Variants in TMEM132C observed in about 807,000 individuals in gnomAD.
TMEM132C encodes transmembrane protein 132C.
Under a neutral mutation model 61.4 loss-of-function variants are expected in TMEM132C, and 29 were observed. The ratio of observed to expected loss-of-function variants is 0.47; its 90% CI spans 0.35 to 0.64. The LOEUF (loss-of-function observed/expected upper bound fraction) is 0.64, where lower values mean the gene tolerates loss of function less well. Among genes scored for constraint, TMEM132C ranks in the 30% least tolerant of loss-of-function variants. TMEM132C has a pLI of 0.00. For missense variants in TMEM132C, 1,408 were observed against 1,476.9 expected (o/e 0.95, Z 0.76); for synonymous variants, 656 against 633.1 (o/e 1.04, Z -0.54).
chr12:128,285,949 C>T (rs1200551749), intron 1 of TMEM132C, among the ~76,000 whole-genome samples: 1 of 129,626 alleles, frequency 7.7e-6, no homozygotes, highest in Non-Finnish European at 1.6e-5. Context: ...TTCTCTCTTT[C>T]TCTCTCTCCC....
chr12:128,317,123 T>G (rs1391895335), intron 1 of TMEM132C, among the ~76,000 whole-genome samples: 1 of 152,230 alleles, frequency 6.6e-6, no homozygotes, highest in Non-Finnish European at 1.5e-5. Flanking sequence ...AACCACATAT[T>G]CCATCATAAT....
At chr12:128,536,730 G>C in intron 2 of TMEM132C, among the ~76,000 whole-genome samples, 1 of 147,928 alleles carries the variant, frequency 6.8e-6, no homozygotes. Context: ...CTTCAGTCTG[G>C]GAGGTTAATA....
chr12:128,492,926 T>A (rs550276834), intron 2 of TMEM132C, among the ~76,000 whole-genome samples: 6 of 152,210 alleles, frequency 3.9e-5, no homozygotes, highest in Non-Finnish European at 5.9e-5. Context: ...TCCTTGCCTA[T>A]GCCTATGTCC....
intron 3 of TMEM132C, among the ~76,000 whole-genome samples, chr12:128,593,271 C>G (rs997456957): frequency 1.3e-5 from 2 of 151,204 alleles, no homozygotes; most frequent in Non-Finnish European, 2.9e-5. Flanking sequence ...ACCTCTCTCT[C>G]TTTCTTCTGT....
At chr12:128,487,836 G>A (rs1044621498) in intron 2 of TMEM132C, among the ~76,000 whole-genome samples, 3 of 152,078 alleles carry the variant, frequency 2.0e-5, no homozygotes, top group African/African-American at 7.2e-5. Flanking sequence ...TGTACCCACA[G>A]GATCATACAG....
intron 2 of TMEM132C, among the ~76,000 whole-genome samples, chr12:128,479,667 C>A (rs1047106799): frequency 6.6e-6 from 1 of 152,156 alleles, no homozygotes; most frequent in Non-Finnish European, 1.5e-5. Context: ...AAATCAAAAC[C>A]ATTTACTATC....
intron 3 of TMEM132C, among the ~76,000 whole-genome samples, chr12:128,607,574 G>A (rs1174450101): frequency 6.6e-6 from 1 of 152,200 alleles, no homozygotes; most frequent in Non-Finnish European, 1.5e-5. Context: ...CGAAGGTGGT[G>A]GGAAGTGCTC....
chr12:128,495,849 T>A (rs2136104486), intron 2 of TMEM132C, among the ~76,000 whole-genome samples: 1 of 152,286 alleles, frequency 6.6e-6, no homozygotes, highest in African/African-American at 2.4e-5. Context: ...GTTAATATTG[T>A]TATGTGTGAA....
intron 2 of TMEM132C, among the ~76,000 whole-genome samples, chr12:128,502,487 T>C (rs962266444): frequency 5.9e-5 from 9 of 152,222 alleles, no homozygotes; most frequent in Non-Finnish European, 1.0e-4. Flanking sequence ...CCTGGCTATA[T>C]TGGAAGAACA....
chr12:128,447,893 A>AT (rs1300163095), intron 2 of TMEM132C, among the ~76,000 whole-genome samples: 2 of 137,682 alleles, frequency 1.5e-5, no homozygotes, highest in African/African-American at 3.0e-5. Context: ...CGCCCGGCTA[A>AT]TTTTTTGTAT....
intron 1 of TMEM132C, among the ~76,000 whole-genome samples, chr12:128,371,821 C>G (rs1874036011): frequency 6.6e-6 from 1 of 152,170 alleles, no homozygotes; most frequent in Non-Finnish European, 1.5e-5. Context: ...TCAGGTTATC[C>G]TCACTTCTCA....
At chr12:128,696,761 A>C (rs1434118071) in intron 7 of TMEM132C, among the ~76,000 whole-genome samples, 2 of 152,212 alleles carry the variant, frequency 1.3e-5, no homozygotes. Context: ...CTCAAGCCCA[A>C]CATTTGGCTT....
At chr12:128,675,028 G>A (rs557452954) in intron 5 of TMEM132C, among the ~76,000 whole-genome samples, 52 of 152,286 alleles carry the variant, frequency 3.4e-4, no homozygotes, top group Middle Eastern at 3.4e-3. Context: ...TGTGGAGGCT[G>A]AGATTCAGCA....
intron 5 of TMEM132C, among the ~76,000 whole-genome samples, chr12:128,686,859 A>G (rs1285385767): frequency 6.6e-6 from 1 of 152,176 alleles, no homozygotes; most frequent in African/African-American, 2.4e-5. Flanking sequence ...AGAGAGAGGA[A>G]GCAAGGAAGA....
chr12:128,352,832 G>A (rs1448738966), intron 1 of TMEM132C, among the ~76,000 whole-genome samples: 3 of 152,180 alleles, frequency 2.0e-5, no homozygotes, highest in African/African-American at 7.2e-5. Flanking sequence ...CCAGGGCCAG[G>A]GCAAAGTTGT....
intron 1 of TMEM132C, among the ~76,000 whole-genome samples, chr12:128,350,222 G>A (rs753779235): frequency 2.0e-5 from 3 of 152,078 alleles, no homozygotes; most frequent in Non-Finnish European, 4.4e-5. Context: ...AAGCAGTTTG[G>A]GGGCTGAGGG....
At chr12:128,267,879 G>T (rs1377172935) in intron 1 of TMEM132C, among the ~76,000 whole-genome samples, 1 of 152,226 alleles carries the variant, frequency 6.6e-6, no homozygotes, top group African/African-American at 2.4e-5. Flanking sequence ...TCCGCTCTGT[G>T]CGCTCCTTCC....
chr12:128,325,398 A>G (rs1158850347), intron 1 of TMEM132C, among the ~76,000 whole-genome samples: 1 of 152,154 alleles, frequency 6.6e-6, no homozygotes, highest in African/African-American at 2.4e-5. Flanking sequence ...CCATAGGATC[A>G]CCATTCGCCG....
Position 128,530,871 on chromosome 12 carries a change from C to T in TMEM132C, c.975-13086C>T, listed in dbSNP as rs145711367. On this transcript the variant is annotated intron_variant, in intron 2 of 8. Coordinates refer to ENST00000435159, the MANE Select transcript of TMEM132C (RefSeq NM_001136103.3). ...AGTGCTAAGTTTTGAGCATTTATTA[C>T]CTTTGTTTCTAACATAGATTAATGT... is the stretch of plus-strand genomic sequence containing the variant. 4.1e-4 allele frequency among the ~76,000 whole-genome samples: 63 copies of T among 152,304 alleles called. No individual in the cohort carries two copies. The South Asian group carries it at 5.4e-3, about 13-fold the overall frequency.
Sources: allele counts gnomAD v4.1 joint callset (sites outside exome capture counted in the v4.1 genomes callset), GRCh38; gene constraint gnomAD v4.1.1; transcripts MANE v1.5; gene names NCBI Gene and HGNC (gene_info 2026-07-23, HGNC 2026-07-21).